The following TRIM36 variants were observed in gnomAD, a reference collection of about 807,000 sequenced individuals.
TRIM36 encodes the protein tripartite motif containing 36.
A neutral mutation model predicts 72.4 loss-of-function variants in TRIM36; 42 were observed. The ratio of observed to expected loss-of-function variants is 0.58; its 90% confidence interval spans 0.45 to 0.75. The LOEUF (loss-of-function observed/expected upper bound fraction) is 0.75. Ranked by LOEUF, TRIM36 falls within the 30% of genes least tolerant of loss-of-function variation. TRIM36 has a pLI of 0.00. For missense variants in TRIM36, 913 were observed against 857.1 expected, an observed-to-expected ratio of 1.07 and a Z score of -0.81; for synonymous variants, 315 against 282.8, an observed-to-expected ratio of 1.11 and a Z score of -1.14.
At chr5:115,128,321 T>C (rs1752463150) in intron 9 of TRIM36, among the ~76,000 whole-genome samples, 2 of 144,008 alleles carry the variant, frequency 1.4e-5, no homozygotes, top group Non-Finnish European at 3.0e-5. Flanking sequence ...GTGAGCCGAG[T>C]TCATGCCATT....
intron 3 of TRIM36, 140 bp downstream of exon 3, chr5:115,146,929 A>T: frequency 1.1e-6 from 1 of 899,840 alleles, no homozygotes; most frequent in Non-Finnish European, 1.6e-6. Flanking sequence ...ACTAGGCCTT[A>T]AGTTCTTATA....
intron 2 of TRIM36, among the ~76,000 whole-genome samples, chr5:115,148,555 C>G (rs907628568): frequency 1.3e-5 from 2 of 151,498 alleles, no homozygotes; most frequent in South Asian, 2.1e-4. Flanking sequence ...GGATTACAGG[C>G]GCCCACCACC....
chr5:115,150,452 T>C (rs1753828677), intron 2 of TRIM36, among the ~76,000 whole-genome samples: 1 of 152,160 alleles, frequency 6.6e-6, no homozygotes, highest in South Asian at 2.1e-4. Context: ...TCCATTATAG[T>C]AGAAAGTTCT....
Position 115,169,789 on chromosome 5 carries a change from G to C in TRIM36, c.-155C>G. ...CTGTACGTGGCCAGCGGACCGACGC[G>C]GGGAGAAGTAAGCCGGGGCAGGCAA... is the stretch of plus-strand genomic sequence containing the variant. On this transcript the variant is annotated 5_prime_UTR_variant, in exon 1 of 10. Coordinates refer to ENST00000513154, the MANE Select transcript of TRIM36 (RefSeq NM_001300759.2). 2.3e-6 allele frequency: 3 copies of C among 1,316,608 alleles called. No individual in the cohort carries two copies. The highest frequency in any genetic ancestry group is 2.9e-6 in the Non-Finnish European group (3 of 1,025,996). The allele number at this position is 1,316,608 out of a possible 1,614,324, so 81.6% of individuals were successfully genotyped here.
At chr5:115,135,583 G>C (rs915494117) in intron 7 of TRIM36, among the ~76,000 whole-genome samples, 3 of 151,770 alleles carry the variant, frequency 2.0e-5, no homozygotes, top group Admixed American at 1.3e-4. Context: ...TTGGTTCCTT[G>C]CTATACAGTG....
chr5:115,168,837 T>C (rs908776748), intron 1 of TRIM36: 7 of 152,282 alleles, frequency 4.6e-5, no homozygotes, highest in African/African-American at 1.7e-4. Context: ...TTCCATTTTA[T>C]GTATAAATAT....
At chr5:115,140,437 ATGG>A (rs1385691860) in intron 5 of TRIM36, among the ~76,000 whole-genome samples, 1 of 152,204 alleles carries the variant, frequency 6.6e-6, no homozygotes, top group East Asian at 1.9e-4. Flanking sequence ...TAATACACAA[ATGG>A]AAAAATGTAC....
chr5:115,166,655 A>AGTTTG lies in TRIM36; in HGVS notation c.28-2904_28-2903insCAAAC, dbSNP rs557288092. On this transcript the variant is annotated intron_variant, in intron 1 of 9. Coordinates refer to ENST00000513154, the MANE Select transcript of TRIM36 (RefSeq NM_001300759.2). The stretch of plus-strand genomic sequence containing the variant: ...CAAGCTGTAACACAAACTGTGTCAA[A>AGTTTG]TACACCCTGCTGCTCGCCATGTTGT... 2.6e-5 allele frequency among the ~76,000 whole-genome samples: 4 copies of AGTTTG among 152,318 alleles called. No homozygotes were observed. The South Asian group carries it at 8.3e-4, about 32-fold the overall frequency.
intron 2 of TRIM36, among the ~76,000 whole-genome samples, chr5:115,162,029 T>C (rs1285862772): frequency 6.6e-6 from 1 of 152,218 alleles, no homozygotes; most frequent in Non-Finnish European, 1.5e-5. Context: ...TCTTCTTTCA[T>C]GCTAAGTTAA....
chr5:115,147,942 C>T (rs1561433080), intron 2 of TRIM36, among the ~76,000 whole-genome samples: 1 of 152,156 alleles, frequency 6.6e-6, no homozygotes, highest in Non-Finnish European at 1.5e-5. Context: ...AAACCCACAG[C>T]TTTTATCAGA....
At chr5:115,176,912 G>A (rs551578809) in intron 1 of TRIM36, among the ~76,000 whole-genome samples, 4 of 152,284 alleles carry the variant, frequency 2.6e-5, no homozygotes, top group South Asian at 4.1e-4. Flanking sequence ...GAGAATGATC[G>A]TAAGTATTAA....
intron 8 of TRIM36, among the ~76,000 whole-genome samples, chr5:115,133,417 G>A (rs1752796072): frequency 6.6e-6 from 1 of 152,002 alleles, no homozygotes. Context: ...GAAGTGCCTA[G>A]TTAGATAAAA....
chr5:115,135,735 G>A (rs1326831109), intron 7 of TRIM36, among the ~76,000 whole-genome samples: 1 of 152,072 alleles, frequency 6.6e-6, no homozygotes, highest in Non-Finnish European at 1.5e-5. Context: ...TGGAAACACA[G>A]TATAGTGTAT....
intron 2 of TRIM36, chr5:115,159,515 T>A (rs1754362827): frequency 3.0e-5 from 9 of 298,132 alleles, no homozygotes; most frequent in South Asian, 2.6e-4. Context: ...TTCAGCCCAA[T>A]TTGTTCACTC....
In TRIM36 at chr5:115,127,559, T is replaced by C. The variant is rs185985546; in HGVS notation, c.1797-702A>G. Among the ~76,000 whole-genome samples the C allele has an allele frequency of 2.4e-4, 37 of 152,342 alleles. 1 individual carries two copies. The highest frequency in any genetic ancestry group is 1.5e-3 in the Admixed American group (23 of 15,304). Reference sequence around the variant, plus strand: ...CCTGGCAACAGAGCGAGACCCTGTCTTAAATAAATAAATTCATTCATTCAT... The same window carrying C: ...CCTGGCAACAGAGCGAGACCCTGTCCTAAATAAATAAATTCATTCATTCAT... On this transcript the variant is annotated intron_variant, in intron 9 of 9. Transcript: ENST00000513154.
upstream of TRIM36, among the ~76,000 whole-genome samples, chr5:115,170,268 C>T (rs1390641552): frequency 6.6e-6 from 1 of 152,140 alleles, no homozygotes; most frequent in Admixed American, 6.5e-5. Context: ...GGAGGCTCCG[C>T]TGCAGCAGAG....
chr5:115,163,995 A>G (rs1754629115), intron 1 of TRIM36, among the ~76,000 whole-genome samples: 1 of 152,230 alleles, frequency 6.6e-6, no homozygotes, highest in East Asian at 1.9e-4. Context: ...ATTATGTAAA[A>G]TATTAGGGGA....
At chr5:115,133,074 A>G (rs977542426) in intron 8 of TRIM36, among the ~76,000 whole-genome samples, 77 of 152,222 alleles carry the variant, frequency 5.1e-4, no homozygotes, top group African/African-American at 1.8e-3. Context: ...TGGGTACATA[A>G]GACACTAAAA....
chr5:115,134,950 A>G (rs71579476), intron 7 of TRIM36, among the ~76,000 whole-genome samples: 2,401 of 152,294 alleles, frequency 0.016, 31 homozygotes, highest in Middle Eastern at 0.031. Flanking sequence ...GAAATCAGAA[A>G]CTGAAAAATA....
Sources: gnomAD v4.1 joint callset for allele counts (sites outside exome capture counted in the v4.1 genomes callset) on GRCh38, gnomAD v4.1.1 for gene constraint, MANE v1.5 for transcripts, NCBI Gene and HGNC (gene_info 2026-07-23, HGNC 2026-07-21) for gene names.